Variants in PHACTR2 observed in about 807,000 individuals in gnomAD.
PHACTR2 encodes phosphatase and actin regulator 2.
PHACTR2 carries 30 observed loss-of-function variants against 76.0 expected under a neutral mutation model. The ratio of observed to expected loss-of-function variants is 0.39; its 90% CI spans 0.30 to 0.54. PHACTR2 has a LOEUF of 0.54. Ranked by LOEUF, PHACTR2 falls within the 20% of genes least tolerant of loss-of-function variation. The probability of loss-of-function intolerance (pLI) is 0.61; values close to 1 mark genes in which losing one functional copy is unlikely to be tolerated. For missense variants in PHACTR2, 696 were observed against 781.1 expected (o/e 0.89, Z 1.30); for synonymous variants, 292 against 292.5 (o/e 1.00, Z 0.02).
Position 143,557,834 on chromosome 6 carries a change from G to C in PHACTR2, c.217+20627G>C. 1 of 152,232 alleles carries C rather than the reference G, an allele frequency of 6.6e-6. No individual in the cohort carries two copies. 9.4% of individuals were successfully genotyped at this position (152,232 alleles called of 1,614,324 possible). A position where few individuals can be genotyped will look rare whatever the true frequency, so the allele number is the denominator to read the frequency against. Reference sequence around the variant, plus strand: ...TCAGTGGGAAGCGAAGTCAGGTCATGTTCTTGAAGGTAAAATTAGGCCAGG... The same window carrying C: ...TCAGTGGGAAGCGAAGTCAGGTCATCTTCTTGAAGGTAAAATTAGGCCAGG... On this transcript the variant is annotated intron_variant, in intron 1 of 11. Transcript: ENST00000367584. This position sits in a 1 kb window ranked among gnomAD's most constrained non-coding sequence, Gnocchi z 5.5.
chr6:143,682,650 G>A (rs1260133075), intron 1 of PHACTR2, among the ~76,000 whole-genome samples: 4 of 152,128 alleles, frequency 2.6e-5, no homozygotes, highest in South Asian at 2.1e-4. Flanking sequence ...AGAGTTGAAT[G>A]CCTTTTATTT....
chr6:143,789,837 T>A lies in PHACTR2; in HGVS notation c.1845+927T>A, dbSNP rs566068769. Among the ~76,000 whole-genome samples, 18 of 152,178 alleles carry A rather than the reference T, an allele frequency of 1.2e-4. No homozygotes were observed. The South Asian group carries it at 2.9e-3, about 25-fold the overall frequency. ...AGATACAGATTCAGAAATCCTTAGC[T>A]CATAAGTAGAAATGAAAAGTAAGAA... On this transcript the variant is annotated intron_variant, in intron 11 of 12. Transcript: ENST00000440869. The surrounding 1 kb of genome is among the most constrained non-coding windows in gnomAD (Gnocchi z 5.1).
At chr6:143,607,780 A>C (rs955365840), upstream of PHACTR2, among the ~76,000 whole-genome samples, 2 of 152,212 alleles carry the variant, frequency 1.3e-5, no homozygotes, top group African/African-American at 4.8e-5. Flanking sequence ...AAACACTTTA[A>C]AATTTTAAAT....
At position 143,546,558 on chromosome 6, in the gene PHACTR2, A is replaced by G. The variant is rs1270425231; in HGVS notation, c.217+9351A>G. 1.3e-5 allele frequency among the ~76,000 whole-genome samples: 2 copies of G among 152,176 alleles called. No homozygotes were observed. Among genetic ancestry groups the G allele is most frequent in the Non-Finnish European group, 2.9e-5 (2 of 68,028 alleles). The stretch of plus-strand genomic sequence containing the variant: ...TTTATGTATATTTTCACCTACCTGA[A>G]TGTTTGGCATATCTTCTTTGGAGGT... On this transcript the variant is annotated intron_variant, in intron 1 of 11. Coordinates refer to the PHACTR2 transcript ENST00000367584. The surrounding 1 kb of genome is among the most constrained non-coding windows in gnomAD (Gnocchi z 4.9).
chr6:143,805,250 C>A (rs950707299), intron 11 of PHACTR2, among the ~76,000 whole-genome samples: 3 of 152,054 alleles, frequency 2.0e-5, no homozygotes, highest in Non-Finnish European at 4.4e-5. Flanking sequence ...GAGGCCGAGG[C>A]GGGCGGATCA....
intron 1 of PHACTR2, among the ~76,000 whole-genome samples, chr6:143,587,452 G>A (rs1353179438): frequency 6.6e-6 from 1 of 152,120 alleles, no homozygotes; most frequent in Admixed American, 6.5e-5. Context: ...ACATACTAGA[G>A]CGATACAATA....
At chr6:143,650,119 A>G (rs1391779436) in intron 1 of PHACTR2, among the ~76,000 whole-genome samples, 1 of 152,226 alleles carries the variant, frequency 6.6e-6, no homozygotes, top group East Asian at 1.9e-4. Context: ...ATACCTAGGA[A>G]TACAGCTAAC....
chr6:143,824,534 T>C lies in PHACTR2; in HGVS notation c.*845T>C, dbSNP rs1291168687. On this transcript the variant is annotated 3_prime_UTR_variant, in exon 13 of 13. Transcript: ENST00000440869. The surrounding 1 kb of genome is among the most constrained non-coding windows in gnomAD (Gnocchi z 6.3). ...CAGATGTAATGTGACCCTAGAAAAC[T>C]GTAGCAAGCTTCAGAAATAAATCTT... 1 of 152,652 alleles carries C rather than the reference T, an allele frequency of 6.6e-6. No individual in the cohort carries two copies. The highest frequency in any genetic ancestry group is 1.5e-5 in the Non-Finnish European group (1 of 68,034). The allele number at this position is 152,652 out of a possible 1,614,324, so 9.5% of individuals were successfully genotyped here.
rs111579311 is a variant in PHACTR2 at position 143,684,827 on chromosome 6, C to G, written c.46+6618C>G. On this transcript the variant is annotated intron_variant, in intron 1 of 12. Transcript: ENST00000440869. The surrounding 1 kb of genome is among the most constrained non-coding windows in gnomAD (Gnocchi z 4.3). ...CTTCTGCAGTCAACACTCTACACAA[C>G]TGTACATGACCACAATGCTGTGCAT... is the stretch of plus-strand genomic sequence containing the variant. Among the ~76,000 whole-genome samples the G allele has an allele frequency of 2.0e-5, 3 of 152,364 alleles. No individual in the cohort carries two copies. Among genetic ancestry groups the G allele is most frequent in the African/African-American group, 7.2e-5 (3 of 41,582 alleles).
At chr6:143,552,879 T>A (rs1584053439) in intron 1 of PHACTR2, among the ~76,000 whole-genome samples, 1 of 96,586 alleles carries the variant, frequency 1.0e-5, no homozygotes, top group African/African-American at 4.2e-5. Context: ...CAAGACTCCA[T>A]CTCAAAAAGA....
At position 143,793,847 on chromosome 6, in the gene PHACTR2, C is replaced by A. The variant is rs1051530710; in HGVS notation, c.1845+4937C>A. Among the ~76,000 whole-genome samples, 18 of 152,094 alleles carry A rather than the reference C, an allele frequency of 1.2e-4. No individual in the cohort carries two copies. The highest frequency in any genetic ancestry group is 2.0e-4 in the Admixed American group (3 of 15,272). Reference sequence around the variant, plus strand: ...TGGGAGAATTGCTTGAGCCCAGGAGCAGGAGGCTGCAGTGAGCCATGCCAC... The same window carrying A: ...TGGGAGAATTGCTTGAGCCCAGGAGAAGGAGGCTGCAGTGAGCCATGCCAC... On this transcript the variant is annotated intron_variant, in intron 11 of 12. Coordinates refer to ENST00000440869, the MANE Select transcript of PHACTR2 (RefSeq NM_001100164.2). The surrounding 1 kb of genome is among the most constrained non-coding windows in gnomAD (Gnocchi z 4.4).
Position 143,610,849 on chromosome 6 carries a change from CTG to C in PHACTR2, c.13+2536_13+2537del, listed in dbSNP as rs1462675709. On this transcript the variant is annotated intron_variant, in intron 1 of 11. Transcript: ENST00000305766. The surrounding 1 kb of genome is among the most constrained non-coding windows in gnomAD (Gnocchi z 4.9). ...GAATAACAATAAAATATTTATCAAA[CTG>C]TGTGTGTGGAATATGTCAGGGCAAT... 1.3e-5 allele frequency among the ~76,000 whole-genome samples: 2 copies of C among 152,076 alleles called. No individual in the cohort carries two copies. The highest frequency in any genetic ancestry group is 4.8e-5 in the African/African-American group (2 of 41,406).
intron 12 of PHACTR2, among the ~76,000 whole-genome samples, chr6:143,808,917 T>C (rs945122251): frequency 1.3e-5 from 2 of 152,192 alleles, no homozygotes; most frequent in East Asian, 3.9e-4. Flanking sequence ...TGCTAAAATG[T>C]GACACCTGTA....
At chr6:143,712,594 T>G (rs1778202492) in intron 2 of PHACTR2, among the ~76,000 whole-genome samples, 1 of 151,896 alleles carries the variant, frequency 6.6e-6, no homozygotes, top group South Asian at 2.1e-4. Flanking sequence ...ACGATTTAAC[T>G]AGTAGACTAT....
At chr6:143,538,482 G>A (rs144639406) in intron 1 of PHACTR2, among the ~76,000 whole-genome samples, 1 of 152,316 alleles carries the variant, frequency 6.6e-6, no homozygotes, top group East Asian at 1.9e-4. Flanking sequence ...CATGGGAGCT[G>A]GGAAATTAGA....
chr6:143,775,289 C>T lies in PHACTR2; in HGVS notation c.1589+1074C>T, dbSNP rs1385965645. Among the ~76,000 whole-genome samples the T allele has an allele frequency of 6.6e-6, 1 of 152,194 alleles. No individual in the cohort carries two copies. The highest frequency in any genetic ancestry group is 6.5e-5 in the Admixed American group (1 of 15,276). On this transcript the variant is annotated intron_variant, in intron 8 of 12. Coordinates refer to ENST00000440869, the MANE Select transcript of PHACTR2 (RefSeq NM_001100164.2). This position sits in a 1 kb window ranked among gnomAD's most constrained non-coding sequence, Gnocchi z 4.4. ...TTAGAGGGTCTCTCTGTTCTGTAAACCCTCTTGCGACTCTGGAAGAAATTT... is the reference window on the plus strand; with the variant it reads ...TTAGAGGGTCTCTCTGTTCTGTAAATCCTCTTGCGACTCTGGAAGAAATTT...
In PHACTR2 at chr6:143,824,660, A is replaced by C. The variant is rs1082; in HGVS notation, c.*971A>C. ...CATGACACCTGTAATAAAAACTTGA[A>C]TCCAAAGTCAAAACTTAAGCAAGAT... On this transcript the variant is annotated 3_prime_UTR_variant, in exon 13 of 13. Transcript: ENST00000440869. The surrounding 1 kb of genome is among the most constrained non-coding windows in gnomAD (Gnocchi z 6.3). The C allele has an allele frequency of 0.31, 47,888 of 152,438 alleles. 8,005 individuals carry two copies. The highest frequency in any genetic ancestry group is 0.45 in the East Asian group (2,311 of 5,176). The allele number at this position is 152,438 out of a possible 1,614,324, so 9.4% of individuals were successfully genotyped here.
chr6:143,666,345 C>T (rs2128449509), intron 1 of PHACTR2, among the ~76,000 whole-genome samples: 1 of 152,254 alleles, frequency 6.6e-6, no homozygotes, highest in South Asian at 2.1e-4. Context: ...CATAAGTGTG[C>T]ATGTGTCTTT....
In PHACTR2 at chr6:143,646,002, GA is replaced by G. The variant is rs1776654008; in HGVS notation, c.13+37684del. Among the ~76,000 whole-genome samples the G allele has an allele frequency of 6.6e-6, 1 of 152,076 alleles. No individual in the cohort carries two copies. The highest frequency in any genetic ancestry group is 2.4e-5 in the African/African-American group (1 of 41,428). The stretch of plus-strand genomic sequence containing the variant: ...CAAAATATATAACAATAGTCTATCA[GA>G]AAAGATGAAGCATAGATTTAAAAAA... On this transcript the variant is annotated intron_variant, in intron 1 of 11. Coordinates refer to the PHACTR2 transcript ENST00000305766. This position sits in a 1 kb window ranked among gnomAD's most constrained non-coding sequence, Gnocchi z 4.1.
Sources: gnomAD v4.1 joint callset for allele counts (sites outside exome capture counted in the v4.1 genomes callset) on GRCh38, gnomAD v4.1.1 for gene constraint, Gnocchi (gnomAD v3.1) non-coding constraint, MANE v1.5 for transcripts, NCBI Gene and HGNC (gene_info 2026-07-23, HGNC 2026-07-21) for gene names.